The following OPRM1 variants were observed in gnomAD, a reference collection of about 807,000 sequenced individuals.
The protein encoded by OPRM1 is mu-type opioid receptor.
Under a neutral mutation model 31.8 loss-of-function variants are expected in OPRM1, and 27 were observed. The ratio of observed to expected loss-of-function variants is 0.85; its 90% confidence interval spans 0.63 to 1.17. OPRM1 has a LOEUF of 1.17. OPRM1 is among the 50% of genes most tolerant of loss of function. The pLI is 0.00. For missense variants in OPRM1, 536 were observed against 511.1 expected (o/e 1.05, Z -0.47); for synonymous variants, 196 against 189.9 (o/e 1.03, Z -0.26).
chr6:154,104,110 T>C lies in OPRM1; in HGVS notation c.1164+12638T>C, dbSNP rs118142157. On this transcript the variant is annotated intron_variant, in intron 3 of 3. Coordinates refer to ENST00000330432, the MANE Select transcript of OPRM1 (RefSeq NM_000914.5). ...ATGAAGATCCATCTTCCGTAACTTC[T>C]TCAGGCTGAATAGGGGCAATAATAT... 5.9e-4 allele frequency among the ~76,000 whole-genome samples: 90 copies of C among 152,338 alleles called. 1 individual carries two copies. The East Asian group carries it at 0.016, about 27-fold the overall frequency.
At chr6:154,117,060 C>T (rs923399935) in intron 3 of OPRM1, among the ~76,000 whole-genome samples, 1 of 152,160 alleles carries the variant, frequency 6.6e-6, no homozygotes, top group African/African-American at 2.4e-5. Context: ...TGGATTTTAT[C>T]CCTCACCTTT....
chr6:154,107,503 G>A (rs1417726483), intron 3 of OPRM1: 2 of 718,454 alleles, frequency 2.8e-6, no homozygotes, highest in East Asian at 2.7e-5. Flanking sequence ...AAAATGCAAA[G>A]CCTTGGCCAC....
At chr6:154,136,021 G>A (rs535841971), downstream of OPRM1, among the ~76,000 whole-genome samples, 1 of 152,308 alleles carries the variant, frequency 6.6e-6, no homozygotes, top group East Asian at 1.9e-4. Context: ...ACACACAGAA[G>A]GAGAATCATT....
intron 3 of OPRM1, chr6:154,221,345 C>A: frequency 6.2e-7 from 1 of 1,608,980 alleles, no homozygotes; most frequent in Non-Finnish European, 8.5e-7. Context: ...GGAGGAAAAG[C>A]ACAAACACAT....
intron 3 of OPRM1, among the ~76,000 whole-genome samples, chr6:154,214,043 T>C (rs946170368): frequency 6.6e-6 from 1 of 152,204 alleles, no homozygotes; most frequent in Non-Finnish European, 1.5e-5. Context: ...CTCTATTCCA[T>C]GTTGGTGAGT....
intron 1 of OPRM1, among the ~76,000 whole-genome samples, chr6:154,060,383 A>G (rs1784157447): frequency 1.3e-5 from 2 of 152,188 alleles, no homozygotes; most frequent in South Asian, 4.1e-4. Context: ...GGAAACTCCC[A>G]CATTTTATTC....
At chr6:154,037,195 A>T (rs1779355484), upstream of OPRM1, among the ~76,000 whole-genome samples, 1 of 152,052 alleles carries the variant, frequency 6.6e-6, no homozygotes, top group Non-Finnish European at 1.5e-5. Context: ...TTCCGTAATC[A>T]AACACTATTG....
At chr6:154,073,164 A>C (rs993776929) in intron 1 of OPRM1, among the ~76,000 whole-genome samples, 1 of 152,200 alleles carries the variant, frequency 6.6e-6, no homozygotes, top group African/African-American at 2.4e-5. Context: ...TGCTGAAAGA[A>C]TACCTGAAAC....
Position 154,091,381 on chromosome 6 carries a change from C to T in OPRM1, c.1073C>T (p.Ser358Phe), listed in dbSNP as rs79216711. 1,174 of 1,614,212 alleles carry T rather than the reference C, an allele frequency of 7.3e-4. No homozygotes were observed. The highest frequency in any genetic ancestry group is 1.2e-3 in the Middle Eastern group (7 of 6,062). Residue 358 changes from serine to phenylalanine, a missense_variant, in exon 3 of 4, where the codon TCC (serine) becomes TTC (phenylalanine). Coordinates refer to ENST00000330432, the MANE Select transcript of OPRM1 (RefSeq NM_000914.5). The stretch of plus-strand genomic sequence containing the variant: ...AGAGAGTTCTGTATCCCAACCTCTT[C>T]CAACATTGAGCAACAAAACTCCACT... ...CFREFCIPTS[S>F]NIEQQNSTRI... is the part of the protein sequence containing the mutation.
chr6:154,090,914 G>A (rs1362393309), intron 2 of OPRM1, 38 bp from the exon 3 acceptor site: 5 of 1,574,392 alleles, frequency 3.2e-6, no homozygotes, highest in Non-Finnish European at 4.3e-6. Context: ...ATAATTAAAT[G>A]TTGCTGCTAA....
intron 3 of OPRM1, among the ~76,000 whole-genome samples, chr6:154,166,732 C>T (rs1161689003): frequency 1.3e-5 from 2 of 152,138 alleles, no homozygotes; most frequent in East Asian, 1.9e-4. Context: ...GAAATACTTG[C>T]TCAATGAAAA....
At chr6:154,055,065 T>A (rs564790244) in intron 1 of OPRM1, among the ~76,000 whole-genome samples, 28 of 152,256 alleles carry the variant, frequency 1.8e-4, no homozygotes, top group African/African-American at 6.5e-4. Context: ...ATTTGGATAA[T>A]AAAAAATATG....
exon 1 of OPRM1, chr6:154,010,899 C>T: frequency 7.6e-7 from 1 of 1,317,654 alleles, no homozygotes; most frequent in Non-Finnish European, 9.9e-7. Flanking sequence ...ATGAGAAGGA[C>T]CAGCCCTTAC....
intron 1 of OPRM1, among the ~76,000 whole-genome samples, chr6:154,012,282 C>G (rs1046324180): frequency 1.6e-4 from 24 of 152,124 alleles, no homozygotes; most frequent in African/African-American, 5.8e-4. Context: ...TAGAAACTTT[C>G]CACAATGTTT....
At chr6:154,183,236 C>T (rs896455734) in intron 3 of OPRM1, among the ~76,000 whole-genome samples, 26 of 152,322 alleles carry the variant, frequency 1.7e-4, no homozygotes, top group Admixed American at 1.4e-3. Flanking sequence ...ATCTTGGCCT[C>T]CCAAAGTGCT....
chr6:154,068,107 A>G (rs1221992573), intron 1 of OPRM1, among the ~76,000 whole-genome samples: 1 of 152,090 alleles, frequency 6.6e-6, no homozygotes, highest in Non-Finnish European at 1.5e-5. Flanking sequence ...CCATATATCT[A>G]TATTATCATT....
At chr6:154,048,323 C>T (rs1423170216) in intron 1 of OPRM1, among the ~76,000 whole-genome samples, 1 of 152,166 alleles carries the variant, frequency 6.6e-6, no homozygotes, top group Middle Eastern at 3.2e-3. Flanking sequence ...ACGTATCTCT[C>T]ATTCTTTTCC....
In OPRM1 at chr6:154,130,218, G is replaced by C. The variant is rs371300253; in HGVS notation, c.*11497G>C. Among the ~76,000 whole-genome samples the C allele has an allele frequency of 3.3e-4, 48 of 145,998 alleles. 2 individuals are homozygous for C. The South Asian group carries it at 0.01, about 31-fold the overall frequency. On this transcript the variant is annotated 3_prime_UTR_variant, in exon 4 of 4. Coordinates refer to ENST00000330432, the MANE Select transcript of OPRM1 (RefSeq NM_000914.5). ...GAGTCTCACTCTGTCGCCCAGGCTG[G>C]AGTGCAGTGGCTCAATCTTGGCTCA...
chr6:154,204,776 C>T (rs1428232721), intron 3 of OPRM1, among the ~76,000 whole-genome samples: 2 of 152,202 alleles, frequency 1.3e-5, no homozygotes, highest in African/African-American at 4.8e-5. Flanking sequence ...CTAACACACA[C>T]AAAAAGTCCA....
Sources: allele counts gnomAD v4.1 joint callset (sites outside exome capture counted in the v4.1 genomes callset), GRCh38; gene constraint gnomAD v4.1.1; transcripts MANE v1.5; gene names NCBI Gene and HGNC (gene_info 2026-07-23, HGNC 2026-07-21).